The following COL11A1 variants were observed in gnomAD, a reference collection of about 807,000 sequenced individuals.
The protein encoded by COL11A1 is collagen type XI alpha 1 chain.
Under a neutral mutation model 265.2 loss-of-function variants are expected in COL11A1, and 74 were observed. That is an observed-to-expected ratio of 0.28 (90% confidence interval 0.23 to 0.34). The LOEUF (loss-of-function observed/expected upper bound fraction) is 0.34, where lower values mean the gene tolerates loss of function less well. Ranked by LOEUF, COL11A1 falls within the 10% of genes least tolerant of loss-of-function variation. The pLI is 1.00. For synonymous variants in COL11A1, 816 were observed against 727.6 expected (o/e 1.12, Z -1.96); for missense variants, 2,165 against 2,263.6 (o/e 0.96, Z 0.88).
chr1:102,881,868 AAG>A, intron 64 of COL11A1, 103 bp from the exon 65 acceptor site: 4 of 856,740 alleles, frequency 4.7e-6, no homozygotes, highest in Non-Finnish European at 7.4e-6. Flanking sequence ...TAAGAAAATA[AAG>A]AGTGCTTAAA....
intron 4 of COL11A1, among the ~76,000 whole-genome samples, chr1:103,040,997 TTTAA>T (rs1668769487): frequency 6.6e-6 from 1 of 151,800 alleles, no homozygotes; most frequent in Admixed American, 6.6e-5. Context: ...TAATGTGCTT[TTTAA>T]TTTTTATATT....
chr1:103,105,310 T>C (rs1455946645), intron 1 of COL11A1, among the ~76,000 whole-genome samples: 1 of 152,132 alleles, frequency 6.6e-6, no homozygotes, highest in Admixed American at 6.5e-5. Flanking sequence ...AAATTGAAGT[T>C]AATGTAAATA....
At chr1:103,051,870 G>T (rs1669860397) in intron 4 of COL11A1, among the ~76,000 whole-genome samples, 1 of 152,204 alleles carries the variant, frequency 6.6e-6, no homozygotes, top group African/African-American at 2.4e-5. Flanking sequence ...GCTCAGGATA[G>T]TTCCACAGCC....
chr1:102,995,521 T>C (rs1353521746), intron 28 of COL11A1, among the ~76,000 whole-genome samples: 2 of 152,080 alleles, frequency 1.3e-5, no homozygotes, highest in African/African-American at 4.8e-5. Flanking sequence ...ATTCATATGT[T>C]ATGCATCTAA....
At chr1:103,083,688 T>C (rs559950882) in intron 1 of COL11A1, among the ~76,000 whole-genome samples, 5 of 152,322 alleles carry the variant, frequency 3.3e-5, no homozygotes, top group Non-Finnish European at 5.9e-5. Flanking sequence ...TGTATGTATG[T>C]ATCTATCTAT....
chr1:102,913,163 C>T (rs1047632341), intron 53 of COL11A1, among the ~76,000 whole-genome samples: 3 of 152,068 alleles, frequency 2.0e-5, no homozygotes, highest in South Asian at 2.1e-4. Flanking sequence ...TTACTTTCTC[C>T]CTAAATAACT....
rs751031942 is a variant in COL11A1 at position 103,067,624 on chromosome 1, G to T, written c.651+6994C>A. 1.6e-4 allele frequency among the ~76,000 whole-genome samples: 25 copies of T among 151,644 alleles called. 1 individual carries two copies. Among genetic ancestry groups the T allele is most frequent in the Middle Eastern group, 3.4e-3 (1 of 292 alleles). The stretch of plus-strand genomic sequence containing the variant: ...GATAGGAAAAAATAATTATGAAATA[G>T]AAAAGAGTCTGTTAAGAGTGACAAT... On this transcript the variant is annotated intron_variant, in intron 4 of 66. Transcript: ENST00000370096.
At chr1:103,004,292 C>T (rs1015541014) in intron 20 of COL11A1, 152 bp downstream of exon 20, 5 of 623,310 alleles carry the variant, frequency 8.0e-6, no homozygotes, top group Non-Finnish European at 8.5e-6. Flanking sequence ...TCTATATATC[C>T]TTTTTAATTT....
intron 4 of COL11A1, among the ~76,000 whole-genome samples, chr1:103,047,214 C>T (rs1247286902): frequency 2.0e-5 from 3 of 152,106 alleles, no homozygotes; most frequent in South Asian, 2.1e-4. Context: ...GCCAATTTCA[C>T]GATATTGATT....
intron 4 of COL11A1, among the ~76,000 whole-genome samples, chr1:103,063,109 T>A (rs992036445): frequency 2.6e-5 from 4 of 152,084 alleles, no homozygotes; most frequent in Non-Finnish European, 5.9e-5. Flanking sequence ...ATGGATAGAA[T>A]GACTCAATAC....
At position 102,890,494 on chromosome 1, in the gene COL11A1, C is replaced by T; in HGVS notation, c.4313G>A (p.Gly1438Asp). The T allele has an allele frequency of 1.2e-6, 2 of 1,603,364 alleles. No homozygotes were observed. The highest frequency in any genetic ancestry group is 1.7e-5 in the Admixed American group (1 of 58,234). The part of the protein sequence containing the change: ...DGPPGPMGPP[G>D]LPGLKGDPGS... ...AGGGTCACCTTTGAGACCAGGTAAG[C>T]CAGGAGGTCCCTAAATAATAACAAA... Residue 1438 changes from glycine (G) to aspartate (D), a missense_variant, in exon 58 of 67, where the codon GGC becomes GAC. Coordinates refer to ENST00000370096, the MANE Select transcript of COL11A1 (RefSeq NM_001854.4).
intron 30 of COL11A1, among the ~76,000 whole-genome samples, chr1:102,984,520 G>C (rs184342283): frequency 2.0e-5 from 3 of 152,004 alleles, no homozygotes; most frequent in Admixed American, 6.6e-5. Context: ...ATACTTCTAA[G>C]CTTTTTCAAC....
intron 42 of COL11A1, among the ~76,000 whole-genome samples, chr1:102,945,652 T>C (rs1397028864): frequency 6.6e-6 from 1 of 152,162 alleles, no homozygotes; most frequent in African/African-American, 2.4e-5. Context: ...TCAGAGCCAA[T>C]ACTTTTTATC....
intron 49 of COL11A1, 31 bp downstream of exon 49, chr1:102,920,280 G>A: frequency 6.3e-7 from 1 of 1,595,902 alleles, no homozygotes; most frequent in Middle Eastern, 1.7e-4. Flanking sequence ...AATTCATGCT[G>A]TTTCAAACTG....
chr1:103,090,873 A>C (rs1673262448), intron 1 of COL11A1, among the ~76,000 whole-genome samples: 1 of 152,136 alleles, frequency 6.6e-6, no homozygotes. Flanking sequence ...AGAATACTAA[A>C]CAGTTTTGAT....
intron 1 of COL11A1, among the ~76,000 whole-genome samples, chr1:103,089,230 A>T (rs753691371): frequency 3.9e-5 from 6 of 152,180 alleles, no homozygotes; most frequent in Non-Finnish European, 8.8e-5. Flanking sequence ...GATGAGTTTA[A>T]TGTGCAGCCA....
chr1:103,051,491 G>A (rs890525265), intron 4 of COL11A1, among the ~76,000 whole-genome samples: 2 of 152,164 alleles, frequency 1.3e-5, no homozygotes, highest in Non-Finnish European at 2.9e-5. Flanking sequence ...GATTTTCCAG[G>A]TGCCATCTGT....
At chr1:102,957,315 T>C (rs1041316116) in intron 41 of COL11A1, among the ~76,000 whole-genome samples, 1 of 152,098 alleles carries the variant, frequency 6.6e-6, no homozygotes, top group Admixed American at 6.6e-5. Context: ...AGTAAGGATA[T>C]AGTGCATAAG....
intron 6 of COL11A1, chr1:103,025,899 C>A (rs773011977): frequency 6.2e-6 from 10 of 1,612,624 alleles, no homozygotes; most frequent in African/African-American, 1.3e-5. Flanking sequence ...TGGATTTTTC[C>A]TTTGATTTAG....
Sources: allele counts gnomAD v4.1 joint callset (sites outside exome capture counted in the v4.1 genomes callset), GRCh38; gene constraint gnomAD v4.1.1; transcripts MANE v1.5; gene names NCBI Gene and HGNC (gene_info 2026-07-23, HGNC 2026-07-21).